Variants in SLC1A7 observed in about 807,000 individuals in gnomAD.
SLC1A7 encodes excitatory amino acid transporter 5.
A neutral mutation model predicts 47.7 loss-of-function variants in SLC1A7; 40 were observed. That is an observed-to-expected ratio of 0.84 (90% CI 0.65 to 1.09). SLC1A7 has a LOEUF of 1.09. Ranked by LOEUF, SLC1A7 falls within the 50% of genes least tolerant of loss-of-function variation. The probability of loss-of-function intolerance (pLI) is 0.00; values close to 1 mark genes in which losing one functional copy is unlikely to be tolerated. For synonymous variants in SLC1A7, 323 were observed against 325.6 expected, an observed-to-expected ratio of 0.99 and a Z score of 0.09; for missense variants, 746 against 769.5, an observed-to-expected ratio of 0.97 and a Z score of 0.36.
chr1:53,137,287 C>CAAAAAAAAAAAAA lies in SLC1A7; in HGVS notation c.136-2859_136-2858insTTTTTTTTTTTTT, dbSNP rs60113708. ...GGGCAACAGAGGGAGACGCTATCTC[C>CAAAAAAAAAAAAA]AAAAAAAAAAAAGTGCTCTACTGAT... is the stretch of plus-strand genomic sequence containing the variant. On this transcript the variant is annotated intron_variant, in intron 1 of 10. Transcript: ENST00000371494. 2.1e-4 allele frequency among the ~76,000 whole-genome samples: 21 copies of CAAAAAAAAAAAAA among 100,740 alleles called. 2 individuals are homozygous for CAAAAAAAAAAAAA. The highest frequency in any genetic ancestry group is 5.5e-4 in the East Asian group (2 of 3,624). 66.1% of individuals were successfully genotyped at this position (100,740 alleles called of 152,430 possible). A position where few individuals can be genotyped will look rare whatever the true frequency, so the allele number is the denominator to read the frequency against.
chr1:53,133,378 CA>C (rs760982128), intron 2 of SLC1A7, among the ~76,000 whole-genome samples: 18 of 152,152 alleles, frequency 1.2e-4, no homozygotes, highest in Non-Finnish European at 2.4e-4. Context: ...ATGCTGCTTG[CA>C]AAGGCCTCTG....
chr1:53,115,338 A>G, intron 2 of SLC1A7: 1 of 295,474 alleles, frequency 3.4e-6, no homozygotes, highest in Non-Finnish European at 6.6e-6. Flanking sequence ...TCCTCTCAGA[A>G]GCTTCCTTCA....
At chr1:53,127,491 G>C (rs12240252) in intron 2 of SLC1A7, among the ~76,000 whole-genome samples, 4 of 152,042 alleles carry the variant, frequency 2.6e-5, no homozygotes, top group African/African-American at 7.2e-5. Flanking sequence ...GAGAAGGAAG[G>C]TTCCAGGAGA....
At chr1:53,140,122 A>G (rs115075212) in intron 1 of SLC1A7, among the ~76,000 whole-genome samples, 41 of 152,376 alleles carry the variant, frequency 2.7e-4, no homozygotes, top group Non-Finnish European at 5.3e-4. Flanking sequence ...CAGATTTCAA[A>G]GTAAGATGCT....
chr1:53,131,150 G>C (rs548161531), intron 2 of SLC1A7, among the ~76,000 whole-genome samples: 3 of 152,172 alleles, frequency 2.0e-5, no homozygotes, highest in African/African-American at 7.2e-5. Context: ...TTCCAGCCAA[G>C]AGAACACTGA....
At chr1:53,094,184 G>A (rs1329710667) in intron 5 of SLC1A7, among the ~76,000 whole-genome samples, 1 of 152,206 alleles carries the variant, frequency 6.6e-6, no homozygotes. Context: ...GGTTAGCTCA[G>A]CGAGAGCAAG....
chr1:53,125,675 G>T (rs376790921), intron 2 of SLC1A7, among the ~76,000 whole-genome samples: 1 of 152,178 alleles, frequency 6.6e-6, no homozygotes, highest in South Asian at 2.1e-4. Flanking sequence ...AGCACTTCGG[G>T]GGGACCTAGG....
At position 53,093,572 on chromosome 1, in the gene SLC1A7, G is replaced by T; in HGVS notation, c.698-12C>A. 6.3e-7 allele frequency: 1 copy of T among 1,586,848 alleles called. No homozygotes were observed. The highest frequency in any genetic ancestry group is 8.5e-7 in the Non-Finnish European group (1 of 1,171,128). ...GCCCAGCATGATGCCTGCGGGTCAG[G>T]GACACAGTGCTGTGGTAAAGCAGGG... On this transcript the variant is annotated splice_polypyrimidine_tract_variant and intron_variant, in intron 5 of 10. Coordinates refer to ENST00000371494, the MANE Select transcript of SLC1A7 (RefSeq NM_006671.6).
Position 53,087,761 on chromosome 1 carries a change from CG to C in SLC1A7, c.*247del, listed in dbSNP as rs1644375326. 2.9e-6 allele frequency: 1 copy of C among 347,124 alleles called. No individual in the cohort carries two copies. Among genetic ancestry groups the C allele is most frequent in the Non-Finnish European group, 5.2e-6 (1 of 192,526 alleles). 21.5% of individuals were successfully genotyped at this position (347,124 alleles called of 1,614,324 possible). On this transcript the variant is annotated 3_prime_UTR_variant, in exon 11 of 11. Coordinates refer to ENST00000371494, the MANE Select transcript of SLC1A7 (RefSeq NM_006671.6). Reference sequence around the variant, plus strand: ...CCTGCCGCCCTCACCGGGCTCACACCGGGGAAACTGTCACAGCGGGGCCTCA... The same window carrying C: ...CCTGCCGCCCTCACCGGGCTCACACCGGGAAACTGTCACAGCGGGGCCTCA...
rs762746854 is a variant in SLC1A7, at chr1:53,090,674, G to A, written c.1164C>T (p.Ala388=). 8 of 1,612,240 alleles carry A rather than the reference G, an allele frequency of 5.0e-6. No individual in the cohort carries two copies. Among genetic ancestry groups the A allele is most frequent in the Admixed American group, 1.7e-5 (1 of 59,986 alleles). The change falls in exon 8 of 11, where the codon GCC becomes GCT. Residue 388 remains alanine, a synonymous_variant. Transcript: ENST00000371494. ...TGTTGACCTGGGCGATGAAGATGGC[G>A]GCCACAGCCTCGTAGAGCGCAGTGC... ...MDGTALYEAV[A]AIFIAQVNNY... is the part of the protein sequence containing the mutation.
rs533479598 is a variant in SLC1A7, at chr1:53,103,485, C to A, written c.558G>T (p.Gly186=). The A allele has an allele frequency of 2.5e-6, 4 of 1,613,164 alleles. No homozygotes were observed. The Admixed American group carries it at 5.0e-5, about 20-fold the overall frequency. ...EAPPRRILIY[G]VQEENGSHVQ... is the part of the protein sequence containing the mutation. ...CATGGGAGCCATTCTCCTCCTGGAC[C>A]CCGTAGATGAGGATCCGCCGAGGAG... is the stretch of plus-strand genomic sequence containing the variant. Residue 186 remains glycine, a synonymous_variant, in exon 5 of 11, where the codon GGG becomes GGT. Transcript: ENST00000371494.
chr1:53,089,698 C>G, intron 9 of SLC1A7, 102 bp downstream of exon 9: 2 of 1,266,186 alleles, frequency 1.6e-6, no homozygotes, highest in Non-Finnish European at 2.3e-6. Flanking sequence ...CAGTCCCCAG[C>G]CTTCTACCCT....
chr1:53,106,407 G>A (rs979558890), intron 3 of SLC1A7, among the ~76,000 whole-genome samples: 1 of 151,368 alleles, frequency 6.6e-6, no homozygotes, highest in Non-Finnish European at 1.5e-5. Flanking sequence ...CACGAGGTCG[G>A]AGATCGAGTC....
At chr1:53,119,883 T>G (rs1327106252) in intron 2 of SLC1A7, among the ~76,000 whole-genome samples, 1 of 152,066 alleles carries the variant, frequency 6.6e-6, no homozygotes, top group African/African-American at 2.4e-5. Context: ...CTCTGTGATT[T>G]ATGGTGAGGG....
At chr1:53,095,147 C>T (rs1283468640) in intron 5 of SLC1A7, among the ~76,000 whole-genome samples, 1 of 152,032 alleles carries the variant, frequency 6.6e-6, no homozygotes, top group Non-Finnish European at 1.5e-5. Flanking sequence ...AATGCAGCTG[C>T]ACCCAGACAT....
At position 53,103,423 on chromosome 1, in the gene SLC1A7, T is replaced by C; in HGVS notation, c.620A>G (p.Glu207Gly). The change falls in exon 5 of 11, where the codon GAG becomes GGG. Residue 207 changes from glutamate to glycine, a missense_variant. By Grantham distance (98) the Glu-to-Gly change is moderately conservative. Coordinates refer to ENST00000371494, the MANE Select transcript of SLC1A7 (RefSeq NM_006671.6). The stretch of plus-strand genomic sequence containing the variant: ...GCCCGGCTCTGACTTGTAAACGACC[T>C]CGGGCGGCGGGGTCAGGTCCAGGGC... Reference protein sequence around the residue: ...NFALDLTPPPEVVYKSEPGTS... With the variant: ...NFALDLTPPPGVVYKSEPGTS... 1 of 1,611,910 alleles carries C rather than the reference T, an allele frequency of 6.2e-7. No individual in the cohort carries two copies. The highest frequency in any genetic ancestry group is 8.5e-7 in the Non-Finnish European group (1 of 1,179,412).
At chr1:53,102,293 G>A (rs933097371) in intron 5 of SLC1A7, 1 of 152,412 alleles carries the variant, frequency 6.6e-6, no homozygotes, top group African/African-American at 2.4e-5. Flanking sequence ...CTGTAGCCAC[G>A]GCAGCGGTGG....
At chr1:53,116,114 C>G (rs1644757733) in intron 2 of SLC1A7, 1 of 152,308 alleles carries the variant, frequency 6.6e-6, no homozygotes, top group Non-Finnish European at 1.5e-5. Flanking sequence ...TCATTAGATT[C>G]CATGCAGCAG....
At chr1:53,099,563 G>A (rs896112952) in intron 5 of SLC1A7, among the ~76,000 whole-genome samples, 62 of 90,986 alleles carry the variant, frequency 6.8e-4, no homozygotes, top group African/African-American at 2.2e-3. Context: ...ACTTTGCCTC[G>A]GTACACTGAC....
Sources: gnomAD v4.1 joint callset for allele counts (sites outside exome capture counted in the v4.1 genomes callset) on GRCh38, gnomAD v4.1.1 for gene constraint, MANE v1.5 for transcripts, NCBI Gene and HGNC (gene_info 2026-07-23, HGNC 2026-07-21) for gene names.